Variants in NCK1 observed in about 807,000 individuals in gnomAD.
The protein encoded by NCK1 is SH2/SH3 adapter protein NCK1.
NCK1 carries 19 observed loss-of-function variants against 36.6 expected under a neutral mutation model. The observed-to-expected ratio is 0.52, with a 90% CI of 0.36 to 0.76. The LOEUF (loss-of-function observed/expected upper bound fraction) is 0.76. Ranked by LOEUF, NCK1 falls within the 30% of genes least tolerant of loss-of-function variation. The pLI is 0.00. For synonymous variants in NCK1, 165 were observed against 156.0 expected, an observed-to-expected ratio of 1.06 and a Z score of -0.43; for missense variants, 358 against 445.6, an observed-to-expected ratio of 0.80 and a Z score of 1.77.
At chr3:136,896,916 A>C (rs1232662424) in intron 1 of NCK1, among the ~76,000 whole-genome samples, 1 of 151,882 alleles carries the variant, frequency 6.6e-6, no homozygotes, top group Non-Finnish European at 1.5e-5. Flanking sequence ...TTTCCTATGG[A>C]TAACTACCCA....
chr3:136,913,773 A>G (rs1362142016), intron 1 of NCK1, among the ~76,000 whole-genome samples: 8 of 152,158 alleles, frequency 5.3e-5, no homozygotes, highest in African/African-American at 1.9e-4. Flanking sequence ...GGTTCACGCC[A>G]TTCTCCTGCC....
chr3:136,867,921 AT>A (rs35762227), intron 1 of NCK1, among the ~76,000 whole-genome samples: 101,404 of 148,906 alleles, frequency 0.68, 34,613 homozygotes, highest in East Asian at 0.87. Context: ...TACATTGTAA[AT>A]TTTTTTTTTT....
chr3:136,865,375 G>A (rs1035794223), intron 1 of NCK1, among the ~76,000 whole-genome samples: 13 of 152,114 alleles, frequency 8.5e-5, no homozygotes, highest in African/African-American at 2.9e-4. Context: ...GTGCGCCACC[G>A]TGGCTGGCCT....
intron 1 of NCK1, among the ~76,000 whole-genome samples, chr3:136,891,274 C>G (rs1279597184): frequency 6.6e-6 from 1 of 152,094 alleles, no homozygotes; most frequent in Non-Finnish European, 1.5e-5. Flanking sequence ...AGCTGGAATT[C>G]CAGGCATGGG....
chr3:136,886,839 A>G (rs1220985512), intron 1 of NCK1, among the ~76,000 whole-genome samples: 1 of 87,396 alleles, frequency 1.1e-5, no homozygotes. Flanking sequence ...TTTTTTTCCT[A>G]TCTTTCTTTT....
chr3:136,867,865 G>A lies in NCK1; in HGVS notation c.-19+5512G>A, dbSNP rs112515324. On this transcript the variant is annotated intron_variant, in intron 1 of 3. Transcript: ENST00000481752. ...ATTATTTTGCATTTTGTGTATTTAT[G>A]CCTTCTCATAGATTGAAAACTTCAG... Among the ~76,000 whole-genome samples, 1,212 of 151,956 alleles carry A rather than the reference G, an allele frequency of 8.0e-3. 12 individuals carry two copies. The highest frequency in any genetic ancestry group is 0.012 in the Non-Finnish European group (836 of 67,996).
chr3:136,926,566 C>T (rs755523154), intron 1 of NCK1, among the ~76,000 whole-genome samples: 4 of 152,040 alleles, frequency 2.6e-5, no homozygotes, highest in Non-Finnish European at 4.4e-5. Flanking sequence ...TGAGCCACCG[C>T]GCCCGGCCAC....
chr3:136,943,007 G>A (rs1220554172), intron 2 of NCK1, among the ~76,000 whole-genome samples: 2 of 152,288 alleles, frequency 1.3e-5, no homozygotes, highest in East Asian at 3.9e-4. Context: ...AGGAGTGCAG[G>A]TTACTGTCCA....
At chr3:136,935,515 A>G (rs1940507681) in intron 2 of NCK1, among the ~76,000 whole-genome samples, 2 of 152,152 alleles carry the variant, frequency 1.3e-5, no homozygotes, top group East Asian at 3.9e-4. Context: ...TTATAGGAAG[A>G]TCAGACTGGT....
At chr3:136,868,071 C>G (rs892702595) in intron 1 of NCK1, among the ~76,000 whole-genome samples, 2 of 152,032 alleles carry the variant, frequency 1.3e-5, no homozygotes, top group Non-Finnish European at 2.9e-5. Context: ...GCACCTGCCA[C>G]CACACCTGGC....
chr3:136,921,095 G>C (rs1463693463), intron 1 of NCK1, among the ~76,000 whole-genome samples: 5 of 152,040 alleles, frequency 3.3e-5, no homozygotes, highest in Admixed American at 2.6e-4. Flanking sequence ...CCTCTTCCTG[G>C]TTCACCTGGC....
At chr3:136,877,031 A>G (rs1938795387) in intron 1 of NCK1, among the ~76,000 whole-genome samples, 3 of 152,196 alleles carry the variant, frequency 2.0e-5, no homozygotes, top group African/African-American at 7.2e-5. Flanking sequence ...CAAAAAATGG[A>G]CAAAACTAAA....
chr3:136,887,063 C>T (rs1012152811), intron 1 of NCK1, among the ~76,000 whole-genome samples: 2 of 152,054 alleles, frequency 1.3e-5, no homozygotes, highest in Admixed American at 6.6e-5. Flanking sequence ...AGGCTGGTCT[C>T]GAACTCCTGA....
At chr3:136,902,975 T>G (rs1300455952) in intron 1 of NCK1, among the ~76,000 whole-genome samples, 1 of 152,096 alleles carries the variant, frequency 6.6e-6, no homozygotes, top group Non-Finnish European at 1.5e-5. Flanking sequence ...TGGTCTGATA[T>G]GCAGTTTAAA....
intron 1 of NCK1, among the ~76,000 whole-genome samples, chr3:136,902,995 G>A (rs1164513231): frequency 6.7e-6 from 1 of 149,896 alleles, no homozygotes; most frequent in Non-Finnish European, 1.5e-5. Context: ...ATCCAGTGTG[G>A]CTTTCTTAAT....
intron 1 of NCK1, among the ~76,000 whole-genome samples, chr3:136,878,403 T>C (rs1343548772): frequency 1.3e-5 from 2 of 152,284 alleles, no homozygotes; most frequent in East Asian, 3.9e-4. Flanking sequence ...AGTGGGATTC[T>C]GTCTCAAAAA....
chr3:136,930,301 T>C (rs2108132365), intron 2 of NCK1, among the ~76,000 whole-genome samples: 1 of 152,342 alleles, frequency 6.6e-6, no homozygotes, highest in South Asian at 2.1e-4. Context: ...CTTTAAAGCA[T>C]CTTCCAAAAT....
At chr3:136,894,051 TC>T (rs1576958857) in intron 1 of NCK1, among the ~76,000 whole-genome samples, 2 of 152,180 alleles carry the variant, frequency 1.3e-5, no homozygotes, top group African/African-American at 4.8e-5. Context: ...GACAGATTGC[TC>T]CCTAATCTCA....
At chr3:136,887,970 G>A (rs1939118889) in intron 1 of NCK1, among the ~76,000 whole-genome samples, 1 of 146,160 alleles carries the variant, frequency 6.8e-6, no homozygotes, top group South Asian at 2.1e-4. Context: ...TTGAGATGGA[G>A]TCTTGCTCTT....
Sources: allele counts gnomAD v4.1 joint callset (sites outside exome capture counted in the v4.1 genomes callset), GRCh38; gene constraint gnomAD v4.1.1; transcripts MANE v1.5; gene names NCBI Gene and HGNC (gene_info 2026-07-23, HGNC 2026-07-21).